The following DENND4C variants were observed in gnomAD, a reference collection of about 807,000 sequenced individuals.
The protein encoded by DENND4C is DENN domain containing 4C.
A neutral mutation model predicts 203.0 loss-of-function variants in DENND4C; 108 were observed. The ratio of observed to expected loss-of-function variants is 0.53; its 90% CI spans 0.46 to 0.62. The LOEUF (loss-of-function observed/expected upper bound fraction) is 0.62. Ranked by LOEUF, DENND4C falls within the 20% of genes least tolerant of loss-of-function variation. The pLI, the probability that DENND4C is intolerant of heterozygous loss-of-function variation, is 0.00. For synonymous variants in DENND4C, 871 were observed against 792.4 expected (o/e 1.10, Z -1.67); for missense variants, 2,481 against 2,301.2 (o/e 1.08, Z -1.60).
chr9:19,310,388 C>A (rs1196676258), intron 10 of DENND4C, among the ~76,000 whole-genome samples: 2 of 152,202 alleles, frequency 1.3e-5, no homozygotes, highest in South Asian at 4.1e-4. Flanking sequence ...GGATTGACAT[C>A]TGGCCCAAAG....
intron 1 of DENND4C, among the ~76,000 whole-genome samples, chr9:19,237,889 T>G (rs1221036736): frequency 6.6e-6 from 1 of 152,126 alleles, no homozygotes; most frequent in Non-Finnish European, 1.5e-5. Context: ...TCCAAAATAT[T>G]ATTCAATATG....
chr9:19,269,741 A>C (rs1019909944), intron 1 of DENND4C, among the ~76,000 whole-genome samples: 1 of 152,182 alleles, frequency 6.6e-6, no homozygotes, highest in Non-Finnish European at 1.5e-5. Context: ...CTGTCATTCC[A>C]GGATTGGTCA....
chr9:19,363,889 C>G (rs145108106), intron 30 of DENND4C, among the ~76,000 whole-genome samples: 1,631 of 152,130 alleles, frequency 0.011, 26 homozygotes, highest in African/African-American at 0.038. Context: ...TGATGCACGC[C>G]TGTAATCCCA....
chr9:19,275,732 T>C (rs893604108), intron 1 of DENND4C, among the ~76,000 whole-genome samples: 19 of 151,476 alleles, frequency 1.3e-4, no homozygotes, highest in African/African-American at 4.6e-4. Flanking sequence ...CCACCTCCCA[T>C]AGTGCTAAGA....
At position 19,319,317 on chromosome 9, in the gene DENND4C, CAT is replaced by C. The variant is rs746044549; in HGVS notation, c.1807+2486_1807+2487del. On this transcript the variant is annotated intron_variant, in intron 12 of 32. Transcript: ENST00000434457. ...GTATATATATACACATATATACACA[CAT>C]ATATATACATATATATACACATATA... 5.9e-3 allele frequency among the ~76,000 whole-genome samples: 248 copies of C among 41,882 alleles called. 1 individual carries two copies. The East Asian group carries it at 0.061, about 10-fold the overall frequency. 27.5% of individuals were successfully genotyped at this position (41,882 alleles called of 152,430 possible). A position where few individuals can be genotyped will look rare whatever the true frequency, so the allele number is the denominator to read the frequency against.
Position 19,238,694 on chromosome 9 carries a change from C to T in DENND4C, c.-18+7861C>T, listed in dbSNP as rs1192327823. Among the ~76,000 whole-genome samples, 16 of 129,808 alleles carry T rather than the reference C, an allele frequency of 1.2e-4. No homozygotes were observed. In the East Asian group the frequency reaches 2.7e-3, roughly 22 times the overall value. The allele number at this position is 129,808 out of a possible 152,430, so 85.2% of individuals were successfully genotyped here. ...TTGAGACAGAATTTCGCTCTTGTGG[C>T]CCAGGCTGGAGTGCAATGATGTGAT... is the stretch of plus-strand genomic sequence containing the variant. On this transcript the variant is annotated intron_variant, in intron 1 of 32. Transcript: ENST00000434457.
At chr9:19,266,124 C>G (rs11788685) in intron 1 of DENND4C, among the ~76,000 whole-genome samples, 8,007 of 152,238 alleles carry the variant, frequency 0.053, 347 homozygotes, top group East Asian at 0.25. Context: ...CCTGTAGTTT[C>G]CTGACTTTTT....
chr9:19,366,220 A>G (rs568528585), intron 30 of DENND4C, among the ~76,000 whole-genome samples: 1 of 152,250 alleles, frequency 6.6e-6, no homozygotes, highest in Non-Finnish European at 1.5e-5. Context: ...AAAAAGAGAC[A>G]TAGGTTGATG....
intron 1 of DENND4C, among the ~76,000 whole-genome samples, chr9:19,274,091 T>C (rs925268343): frequency 6.6e-6 from 1 of 152,066 alleles, no homozygotes; most frequent in African/African-American, 2.4e-5. Flanking sequence ...GAATGAACTG[T>C]TGATACAAGC....
chr9:19,350,565 T>C, intron 23 of DENND4C, 137 bp from the exon 24 acceptor site: 1 of 668,684 alleles, frequency 1.5e-6, no homozygotes, highest in Admixed American at 3.0e-5. Flanking sequence ...GTGAGGAGAT[T>C]TCATGGTTTT....
rs536520891 is a variant in DENND4C at position 19,286,863 on chromosome 9, A to T, written c.400A>T (p.Thr134Ser). Reference sequence around the variant, plus strand: ...CTGTGCCAATGTCAACAATAGTTCAACTACTTCACAAAGAATCTTTATCAC... The same window carrying T: ...CTGTGCCAATGTCAACAATAGTTCATCTACTTCACAAAGAATCTTTATCAC... The part of the protein sequence containing the change: ...GRCANVNNSS[T>S]TSQRIFITYR... The change falls in exon 3 of 33, where the codon ACT becomes TCT. Residue 134 changes from threonine to serine, a missense_variant. By Grantham distance (58) the Thr-to-Ser change is moderately conservative (BLOSUM62 1). Transcript: ENST00000434457. 4.9e-6 allele frequency: 6 copies of T among 1,232,004 alleles called. No individual in the cohort carries two copies. In the South Asian group the frequency reaches 2.5e-4, roughly 51 times the overall value. 76.3% of individuals were successfully genotyped at this position (1,232,004 alleles called of 1,614,324 possible). A position where few individuals can be genotyped will look rare whatever the true frequency, so the allele number is the denominator to read the frequency against.
At chr9:19,341,734 A>G (rs1433330092) in intron 21 of DENND4C, among the ~76,000 whole-genome samples, 2 of 152,230 alleles carry the variant, frequency 1.3e-5, no homozygotes, top group Non-Finnish European at 2.9e-5. Context: ...TTGAGTTATT[A>G]AAACTTCTAT....
chr9:19,299,374 A>G (rs1838093750), intron 8 of DENND4C, 87 bp downstream of exon 8: 3 of 834,450 alleles, frequency 3.6e-6, no homozygotes, highest in South Asian at 4.6e-5. Context: ...TTATTAATAT[A>G]TTAGTGATTG....
chr9:19,363,485 G>A (rs540960676), intron 30 of DENND4C, among the ~76,000 whole-genome samples: 107 of 151,414 alleles, frequency 7.1e-4, no homozygotes, highest in South Asian at 2.1e-3. Flanking sequence ...CTGGGCGACA[G>A]AGTGAGACTC....
intron 1 of DENND4C, among the ~76,000 whole-genome samples, chr9:19,271,281 T>G (rs2130831050): frequency 6.7e-6 from 1 of 148,510 alleles, no homozygotes; most frequent in South Asian, 2.2e-4. Flanking sequence ...CTCACTGCAA[T>G]CTCTGCCTCA....
intron 10 of DENND4C, among the ~76,000 whole-genome samples, chr9:19,309,498 G>C (rs189851259): frequency 1.3e-5 from 2 of 152,014 alleles, no homozygotes; most frequent in Non-Finnish European, 2.9e-5. Flanking sequence ...GAATTGCACA[G>C]GTCAAATGTG....
intron 30 of DENND4C, among the ~76,000 whole-genome samples, chr9:19,364,354 A>G (rs952465502): frequency 7.2e-5 from 11 of 152,240 alleles, no homozygotes; most frequent in Admixed American, 3.3e-4. Context: ...CTGGAGAACA[A>G]TATGGCAGAC....
intron 10 of DENND4C, among the ~76,000 whole-genome samples, chr9:19,313,251 T>G (rs2131502353): frequency 6.6e-6 from 1 of 152,316 alleles, no homozygotes; most frequent in Admixed American, 6.5e-5. Context: ...TTAAAATACT[T>G]TAATTGGCAA....
At chr9:19,343,880 A>G (rs1159803683) in intron 22 of DENND4C, among the ~76,000 whole-genome samples, 1 of 152,222 alleles carries the variant, frequency 6.6e-6, no homozygotes, top group Non-Finnish European at 1.5e-5. Flanking sequence ...TTTTTTTAAA[A>G]AACATTGAAT....
Sources: gnomAD v4.1 joint callset for allele counts (sites outside exome capture counted in the v4.1 genomes callset) on GRCh38, gnomAD v4.1.1 for gene constraint, MANE v1.5 for transcripts, NCBI Gene and HGNC (gene_info 2026-07-23, HGNC 2026-07-21) for gene names.